The following SF3B3 variants were observed in gnomAD, a reference collection of about 807,000 sequenced individuals.
SF3B3 encodes the protein splicing factor 3b subunit 3.
A neutral mutation model predicts 139.2 loss-of-function variants in SF3B3; 33 were observed. The observed-to-expected ratio is 0.24, with a 90% CI of 0.18 to 0.32. The LOEUF (loss-of-function observed/expected upper bound fraction) is 0.32. Among genes scored for constraint, SF3B3 ranks in the 10% least tolerant of loss-of-function variants. The probability of loss-of-function intolerance (pLI) is 1.00; values close to 1 mark genes in which losing one functional copy is unlikely to be tolerated. For missense variants in SF3B3, 818 were observed against 1,509.4 expected (o/e 0.54, Z 7.59); for synonymous variants, 596 against 563.6 (o/e 1.06, Z -0.81).
At chr16:70,539,268 C>A in intron 8 of SF3B3, 61 bp downstream of exon 8, 1 of 1,221,980 alleles carries the variant, frequency 8.2e-7, no homozygotes, top group Non-Finnish European at 1.2e-6. Context: ...GCAGCAGAAG[C>A]TGGGTGCAGT....
At chr16:70,569,767 C>G (rs1395507273) in intron 23 of SF3B3, 1 of 477,758 alleles carries the variant, frequency 2.1e-6, no homozygotes, top group Non-Finnish European at 3.8e-6. Flanking sequence ...GTAGCTGAGA[C>G]TATAGTACAT....
chr16:70,570,281 T>A, intron 24 of SF3B3, 132 bp downstream of exon 24: 2 of 899,270 alleles, frequency 2.2e-6, no homozygotes, highest in Non-Finnish European at 3.3e-6. Flanking sequence ...GTGACAGAAG[T>A]ACTTGGGGAG....
In SF3B3 at chr16:70,544,552, G is replaced by C; in HGVS notation, c.1329+19G>C. The C allele has an allele frequency of 7.0e-7, 1 of 1,432,934 alleles. No homozygotes were observed. Among genetic ancestry groups the C allele is most frequent in the Non-Finnish European group, 9.9e-7 (1 of 1,015,042 alleles). 88.8% of individuals were successfully genotyped at this position (1,432,934 alleles called of 1,614,324 possible). ...ACTTGAGGTAAGGTTGCAATTTCTA[G>C]ATAATCTGCAGGGTTTGGAGGGAAG... On this transcript the variant is annotated intron_variant, in intron 10 of 25. Coordinates refer to ENST00000302516, the MANE Select transcript of SF3B3 (RefSeq NM_012426.5).
At position 70,536,450 on chromosome 16, in the gene SF3B3, G is replaced by C. The variant is rs1186289981; in HGVS notation, c.825+1030G>C. Among the ~76,000 whole-genome samples, 4 of 151,844 alleles carry C rather than the reference G, an allele frequency of 2.6e-5. No individual in the cohort carries two copies. The East Asian group carries it at 7.7e-4, about 29-fold the overall frequency. On this transcript the variant is annotated intron_variant, in intron 6 of 25. Transcript: ENST00000302516. ...GCGATCTGGGCTCACTGCAAGCTCC[G>C]CCTCCCGGGTTCACGCCATTTCTCC... is the stretch of plus-strand genomic sequence containing the variant.
chr16:70,546,069 C>T (rs886918963), intron 10 of SF3B3, among the ~76,000 whole-genome samples: 1 of 152,154 alleles, frequency 6.6e-6, no homozygotes, highest in African/African-American at 2.4e-5. Flanking sequence ...CTCAAGCAAG[C>T]AATTCTCCCA....
intron 10 of SF3B3, among the ~76,000 whole-genome samples, chr16:70,547,821 C>T (rs532671443): frequency 6.6e-6 from 1 of 152,286 alleles, no homozygotes; most frequent in South Asian, 2.1e-4. Context: ...AACTCCTGAC[C>T]TAAGGCAATC....
At chr16:70,550,202 TAAAAAAAGAA>T (rs2050308916) in intron 11 of SF3B3, 1 of 152,154 alleles carries the variant, frequency 6.6e-6, no homozygotes, top group Non-Finnish European at 1.5e-5. Flanking sequence ...ACTTGCCATC[TAAAAAAAGAA>T]GACAAGTATA....
intron 8 of SF3B3, among the ~76,000 whole-genome samples, chr16:70,541,126 G>GC (rs1204998432): frequency 1.3e-5 from 2 of 152,188 alleles, no homozygotes; most frequent in African/African-American, 4.8e-5. Context: ...TGTGATTATA[G>GC]CCATCCTGCT....
At chr16:70,563,384 A>G (rs1377495970) in intron 17 of SF3B3, among the ~76,000 whole-genome samples, 1 of 152,178 alleles carries the variant, frequency 6.6e-6, no homozygotes, top group African/African-American at 2.4e-5. Flanking sequence ...AGTTTGGCTT[A>G]TGTGTACATC....
chr16:70,544,577 G>A lies in SF3B3; in HGVS notation c.1329+44G>A, dbSNP rs776504779. 2.5e-5 allele frequency: 28 copies of A among 1,115,574 alleles called. No individual in the cohort carries two copies. In the South Asian group the frequency reaches 3.2e-4, roughly 13 times the overall value. 69.1% of individuals were successfully genotyped at this position (1,115,574 alleles called of 1,614,324 possible). On this transcript the variant is annotated intron_variant, in intron 10 of 25. Transcript: ENST00000302516. ...GATAATCTGCAGGGTTTGGAGGGAA[G>A]CACTGACAAAGTAGTTTATGGGTTT... is the stretch of plus-strand genomic sequence containing the variant.
chr16:70,532,031 C>T lies in SF3B3; in HGVS notation c.571-448C>T, dbSNP rs543561065. 2.5e-4 allele frequency among the ~76,000 whole-genome samples: 38 copies of T among 152,316 alleles called. No homozygotes were observed. The South Asian group carries it at 7.0e-3, about 28-fold the overall frequency. ...ACCACTGCAGTCGTGTACAGTGGCT[C>T]ACGCCTGTAATCCAAGTTTGGGAGG... is the stretch of plus-strand genomic sequence containing the variant. On this transcript the variant is annotated intron_variant, in intron 4 of 25. Coordinates refer to ENST00000302516, the MANE Select transcript of SF3B3 (RefSeq NM_012426.5).
rs1432350404 is a variant in SF3B3, at chr16:70,548,514, G to A, written c.1402+72G>A. 1.0e-5 allele frequency: 13 copies of A among 1,278,242 alleles called. No individual in the cohort carries two copies. In the South Asian group the frequency reaches 1.2e-4, roughly 12 times the overall value. The allele number at this position is 1,278,242 out of a possible 1,614,324, so 79.2% of individuals were successfully genotyped here. On this transcript the variant is annotated intron_variant, in intron 11 of 25. Transcript: ENST00000302516. ...TGACATAGAAGGCTTGAAAGGCTGC[G>A]TTCATAATACTTCTGTATCATTTCA...
rs7197840 is a variant in SF3B3, at chr16:70,574,363, T to C, written c.*2550T>C. 0.36 allele frequency: 54,397 copies of C among 151,922 alleles called. 10,425 individuals carry two copies. Among genetic ancestry groups the C allele is most frequent in the South Asian group, 0.63 (3,007 of 4,810 alleles). 9.4% of individuals were successfully genotyped at this position (151,922 alleles called of 1,614,324 possible). A position where few individuals can be genotyped will look rare whatever the true frequency, so the allele number is the denominator to read the frequency against. ...CATACTCAGCTAATTTTTAAACTTT[T>C]GTAGAGACAGGGTCTCCCTGTGTTG... On this transcript the variant is annotated 3_prime_UTR_variant, in exon 26 of 26. Transcript: ENST00000302516.
intron 25 of SF3B3, 93 bp downstream of exon 25, chr16:70,571,292 C>A: frequency 1.1e-6 from 1 of 923,234 alleles, no homozygotes. Flanking sequence ...GAGGGTGCTC[C>A]CCTCAGGGCA....
At position 70,556,213 on chromosome 16, in the gene SF3B3, A is replaced by C. The variant is rs1199794216; in HGVS notation, c.1745A>C (p.Glu582Ala). The change falls in exon 14 of 26, where the codon GAG (glutamate) becomes GCG (alanine). Residue 582 changes from glutamate (E) to alanine (A), a missense_variant. Physicochemically the swap from Glu to Ala is moderately radical, Grantham distance 107 (BLOSUM62 -1). Coordinates refer to ENST00000302516, the MANE Select transcript of SF3B3 (RefSeq NM_012426.5). ...GQLNEYTERK[E>A]MSADVVCMSL... ...CTGAATGAGTACACAGAACGGAAGGAGATGTCAGCAGATGTGGTGTGCATG... is the reference window on the plus strand; with the variant it reads ...CTGAATGAGTACACAGAACGGAAGGCGATGTCAGCAGATGTGGTGTGCATG... 6.2e-7 allele frequency: 1 copy of C among 1,614,138 alleles called. No individual in the cohort carries two copies. Among genetic ancestry groups the C allele is most frequent in the African/African-American group, 1.3e-5 (1 of 75,032 alleles).
At chr16:70,567,023 C>T (rs1004594688) in intron 20 of SF3B3, among the ~76,000 whole-genome samples, 2 of 151,084 alleles carry the variant, frequency 1.3e-5, no homozygotes, top group Non-Finnish European at 2.9e-5. Flanking sequence ...CACAGCCCTT[C>T]AGCCTGAGCA....
chr16:70,546,653 A>G (rs1468373111), intron 10 of SF3B3, among the ~76,000 whole-genome samples: 1 of 152,198 alleles, frequency 6.6e-6, no homozygotes, highest in Non-Finnish European at 1.5e-5. Flanking sequence ...TGTCTCTAAA[A>G]AAATGCATAT....
chr16:70,539,007 A>T, intron 7 of SF3B3, 97 bp from the exon 8 acceptor site: 1 of 899,238 alleles, frequency 1.1e-6, no homozygotes, highest in East Asian at 2.4e-5. Flanking sequence ...GTCAGATATG[A>T]AATACAGTAT....
intron 19 of SF3B3, 34 bp downstream of exon 19, chr16:70,565,304 G>T: frequency 4.3e-6 from 7 of 1,613,504 alleles, no homozygotes; most frequent in Non-Finnish European, 5.9e-6. Flanking sequence ...GGTTTGGCAG[G>T]CTGGAACAGG....
Sources: allele counts gnomAD v4.1 joint callset (sites outside exome capture counted in the v4.1 genomes callset), GRCh38; gene constraint gnomAD v4.1.1; transcripts MANE v1.5; gene names NCBI Gene and HGNC (gene_info 2026-07-23, HGNC 2026-07-21).